DOCK9: variants seen among roughly 807,000 people sequenced by gnomAD.
The protein encoded by DOCK9 is dedicator of cytokinesis protein 9.
Under a neutral mutation model 263.3 loss-of-function variants are expected in DOCK9, and 89 were observed. The ratio of observed to expected loss-of-function variants is 0.34; its 90% confidence interval spans 0.28 to 0.40. The LOEUF (loss-of-function observed/expected upper bound fraction) is 0.40. Among genes scored for constraint, DOCK9 ranks in the 10% least tolerant of loss-of-function variants. The pLI is 1.00. For missense variants in DOCK9, 2,140 were observed against 2,603.4 expected (o/e 0.82, Z 3.87); for synonymous variants, 976 against 973.1 (o/e 1.00, Z -0.06).
In DOCK9 at chr13:98,898,419, C is replaced by T. The variant is rs530212802; in HGVS notation, c.1504-158G>A. 2.6e-5 allele frequency among the ~76,000 whole-genome samples: 4 copies of T among 152,348 alleles called. No individual in the cohort carries two copies. In the South Asian group the frequency reaches 6.2e-4, roughly 24 times the overall value. On this transcript the variant is annotated intron_variant, in intron 13 of 52. Coordinates refer to ENST00000682017, the MANE Select transcript of DOCK9 (RefSeq NM_001366683.2). The stretch of plus-strand genomic sequence containing the variant: ...AGTAATGAATATGGCTGGATTCACA[C>T]TCTGTGCAGAGTACTTTATTTAACG...
At chr13:98,964,788 G>A (rs2059028826) in intron 1 of DOCK9, among the ~76,000 whole-genome samples, 1 of 152,180 alleles carries the variant, frequency 6.6e-6, no homozygotes, top group Non-Finnish European at 1.5e-5. Context: ...ATACTTAGGA[G>A]AAAGCCCTTC....
At chr13:98,952,659 A>G (rs951934150) in intron 2 of DOCK9, among the ~76,000 whole-genome samples, 1 of 152,156 alleles carries the variant, frequency 6.6e-6, no homozygotes, top group Non-Finnish European at 1.5e-5. Context: ...TCTTGACACA[A>G]CTCATTTTTA....
At chr13:98,906,071 C>T (rs1288060067) in intron 9 of DOCK9, among the ~76,000 whole-genome samples, 1 of 152,074 alleles carries the variant, frequency 6.6e-6, no homozygotes, top group Non-Finnish European at 1.5e-5. Flanking sequence ...ACAAATCTGC[C>T]AAAAAGATGA....
At chr13:98,827,084 G>T (rs1476531721) in intron 43 of DOCK9, among the ~76,000 whole-genome samples, 197 bp from the exon 44 acceptor site, 1 of 152,192 alleles carries the variant, frequency 6.6e-6, no homozygotes, top group African/African-American at 2.4e-5. Flanking sequence ...GAAATTAATT[G>T]GGAGTTGAGA....
At chr13:98,942,406 T>C (rs1381078364) in intron 2 of DOCK9, among the ~76,000 whole-genome samples, 2 of 151,896 alleles carry the variant, frequency 1.3e-5, no homozygotes, top group African/African-American at 4.8e-5. Flanking sequence ...GCCCGGCTAA[T>C]TTTTTGTATT....
Position 98,794,603 on chromosome 13 carries a change from C to A in DOCK9, c.*23G>T. 1 of 1,563,778 alleles carries A rather than the reference C, an allele frequency of 6.4e-7. No homozygotes were observed. The highest frequency in any genetic ancestry group is 2.4e-5 in the East Asian group (1 of 41,896). On this transcript the variant is annotated 3_prime_UTR_variant, in exon 53 of 53. Transcript: ENST00000682017. ...GTTTGCAAATGACAAAGCAAGTCCC[C>A]ACACACGGGCCATGAGATGTAATCA...
At position 98,879,881 on chromosome 13, in the gene DOCK9, C is replaced by G. The variant is rs767362768; in HGVS notation, c.2943+17G>C. ...CTTTTCCCCTAAGAACACAAGCTTC[C>G]ACTTGAAGTAACATACCTTAACTTT... On this transcript the variant is annotated intron_variant, in intron 27 of 52. Transcript: ENST00000682017. 2.8e-5 allele frequency: 44 copies of G among 1,592,152 alleles called. No individual in the cohort carries two copies. The highest frequency in any genetic ancestry group is 3.8e-5 in the Non-Finnish European group (44 of 1,172,036).
intron 1 of DOCK9, among the ~76,000 whole-genome samples, chr13:99,076,415 G>A (rs1272269251): frequency 7.2e-5 from 11 of 151,880 alleles, no homozygotes; most frequent in African/African-American, 1.9e-4. Flanking sequence ...TTTTGTACAA[G>A]ATGTGTGGCT....
intron 1 of DOCK9, among the ~76,000 whole-genome samples, chr13:99,058,694 C>A (rs565729433): frequency 6.6e-6 from 1 of 152,276 alleles, no homozygotes; most frequent in East Asian, 1.9e-4. Context: ...TCAAATAAGG[C>A]CACACTGTAG....
chr13:98,898,134 G>T, intron 14 of DOCK9, 45 bp downstream of exon 14: 1 of 1,383,798 alleles, frequency 7.2e-7, no homozygotes, highest in Non-Finnish European at 1.0e-6. Context: ...ACCCATCCAT[G>T]CACCTATCTA....
At chr13:98,871,545 A>C (rs1328137654) in intron 27 of DOCK9, among the ~76,000 whole-genome samples, 1 of 152,242 alleles carries the variant, frequency 6.6e-6, no homozygotes. Context: ...ACACATTTCA[A>C]GGTAATGAAG....
intron 25 of DOCK9, 102 bp downstream of exon 25, chr13:98,881,456 C>G: frequency 1.1e-6 from 1 of 927,090 alleles, no homozygotes; most frequent in South Asian, 1.6e-5. Flanking sequence ...GCATACGTTA[C>G]AAGCACATCC....
intron 7 of DOCK9, among the ~76,000 whole-genome samples, chr13:98,918,899 C>A (rs2140007051): frequency 6.6e-6 from 1 of 152,248 alleles, no homozygotes; most frequent in Non-Finnish European, 1.5e-5. Flanking sequence ...GGCAGGAAAG[C>A]AATTCATCCA....
At chr13:98,989,263 T>A (rs556759044) in intron 1 of DOCK9, among the ~76,000 whole-genome samples, 1 of 151,630 alleles carries the variant, frequency 6.6e-6, no homozygotes, top group South Asian at 2.1e-4. Context: ...CTTGTAAGGG[T>A]TGCCAAACCT....
At chr13:98,846,676 C>T (rs1352044039) in intron 37 of DOCK9, 1 of 618,870 alleles carries the variant, frequency 1.6e-6, no homozygotes, top group Non-Finnish European at 2.7e-6. Context: ...TGCAATGACA[C>T]CTGTCCCCTG....
intron 1 of DOCK9, among the ~76,000 whole-genome samples, chr13:99,012,445 A>C (rs11617866): frequency 6.6e-6 from 1 of 151,988 alleles, no homozygotes; most frequent in Non-Finnish European, 1.5e-5. Context: ...GGCTTGGTGC[A>C]CACTGAGTAG....
At chr13:98,991,352 G>A (rs766795424) in intron 1 of DOCK9, among the ~76,000 whole-genome samples, 4 of 152,076 alleles carry the variant, frequency 2.6e-5, no homozygotes, top group Non-Finnish European at 4.4e-5. Flanking sequence ...TTACAGGCGC[G>A]AGCCACCGCA....
intron 1 of DOCK9, among the ~76,000 whole-genome samples, chr13:99,020,590 GCT>G (rs1885979195): frequency 6.6e-6 from 1 of 152,110 alleles, no homozygotes; most frequent in African/African-American, 2.4e-5. Flanking sequence ...CCCACCTACA[GCT>G]CTCTCTTTGC....
intron 52 of DOCK9, chr13:98,796,103 T>C: frequency 3.5e-6 from 3 of 859,262 alleles, no homozygotes; most frequent in East Asian, 5.5e-5. Flanking sequence ...CCTCTGCCCA[T>C]GTACTGTCAT....
Sources: allele counts gnomAD v4.1 joint callset (sites outside exome capture counted in the v4.1 genomes callset), GRCh38; gene constraint gnomAD v4.1.1; transcripts MANE v1.5; gene names NCBI Gene and HGNC (gene_info 2026-07-23, HGNC 2026-07-21).